Variants in ATAD3B observed in about 807,000 individuals in gnomAD.
The protein encoded by ATAD3B is ATPase family AAA domain-containing protein 3B.
Under a neutral mutation model 70.2 loss-of-function variants are expected in ATAD3B, and 59 were observed. The ratio of observed to expected loss-of-function variants is 0.84; its 90% CI spans 0.68 to 1.04. The LOEUF (loss-of-function observed/expected upper bound fraction) is 1.04, where lower values mean the gene tolerates loss of function less well. Ranked by LOEUF, ATAD3B falls within the 50% of genes least tolerant of loss-of-function variation. The probability of loss-of-function intolerance (pLI) is 0.00; values close to 1 mark genes in which losing one functional copy is unlikely to be tolerated. For missense variants in ATAD3B, 961 were observed against 913.4 expected, an observed-to-expected ratio of 1.05 and a Z score of -0.67; for synonymous variants, 423 against 388.6, an observed-to-expected ratio of 1.09 and a Z score of -1.04.
At chr1:1,508,014 C>A in the ATAD3B span, among the ~76,000 whole-genome samples, 1 of 152,224 alleles carries the variant, frequency 6.6e-6, no homozygotes, top group African/African-American at 2.4e-5. Flanking sequence ...TGCCAGGTCC[C>A]GTGCTTCCCA....
chr1:1,491,707 A>C (rs1640548735), intron 15 of ATAD3B, among the ~76,000 whole-genome samples: 2 of 151,960 alleles, frequency 1.3e-5, no homozygotes, highest in Admixed American at 6.6e-5. Context: ...CAGCTTAATG[A>C]AGTAGCCAAG....
rs1350636294 is a variant in ATAD3B at position 1,479,429 on chromosome 1, C to G, written c.444+321C>G. ...ACACCCCTGCACACACGGGCCCACA[C>G]ACTCCCCTGCACACATGGGGAAACA... is the stretch of plus-strand genomic sequence containing the variant. On this transcript the variant is annotated intron_variant, in intron 4 of 15. Coordinates refer to ENST00000673477, the MANE Select transcript of ATAD3B (RefSeq NM_031921.6). Among the ~76,000 whole-genome samples the G allele has an allele frequency of 2.8e-5, 4 of 144,076 alleles. 1 individual carries two copies. The highest frequency in any genetic ancestry group is 1.0e-4 in the African/African-American group (4 of 38,270). 94.5% of individuals were successfully genotyped at this position (144,076 alleles called of 152,430 possible).
chr1:1,478,722 G>A lies in ATAD3B; in HGVS notation c.361G>A (p.Glu121Lys), dbSNP rs773225375. The A allele has an allele frequency of 1.6e-5, 24 of 1,528,562 alleles. No homozygotes were observed. The highest frequency in any genetic ancestry group is 2.0e-5 in the Admixed American group (1 of 49,084). 94.7% of individuals were successfully genotyped at this position (1,528,562 alleles called of 1,614,324 possible). The change falls in exon 3 of 16, where the codon GAG (glutamate) becomes AAG (lysine). Residue 121 changes from glutamate to lysine, a missense_variant. Physicochemically the swap from Glu to Lys is moderately conservative, Grantham distance 56. This residue lies in a region of ATAD3B where 187 missense variants were observed against 244.3 expected (regional missense o/e 0.77). Transcript: ENST00000673477. ...TGAGGAGAGGAGGAAGACCCTGAGC[G>A]AGGAGACCCGGCAGCACCAGGCCGT... ...QAEERRKTLS[E>K]ETRQHQARAQ...
chr1:1,500,690 A>G (rs544461822), downstream of ATAD3B, among the ~76,000 whole-genome samples: 862 of 151,712 alleles, frequency 5.7e-3, 11 homozygotes, highest in African/African-American at 0.02. Context: ...GCAGTGGCTC[A>G]TGCCTGTAAT....
intron 9 of ATAD3B, 83 bp from the exon 10 acceptor site, chr1:1,486,027 C>G: frequency 6.2e-7 from 1 of 1,604,830 alleles, no homozygotes; most frequent in East Asian, 2.2e-5. Context: ...GCAGAGTCCG[C>G]ACCCGGGCAT....
chr1:1,489,235 T>TGAAC lies in ATAD3B; in HGVS notation c.1300_1303dup (p.Ala435GlufsTer24). 1 of 1,613,632 alleles carries TGAAC rather than the reference T, an allele frequency of 6.2e-7. No individual in the cohort carries two copies. Among genetic ancestry groups the TGAAC allele is most frequent in the African/African-American group, 1.3e-5 (1 of 75,054 alleles). On this transcript the variant is annotated frameshift_variant, in exon 13 of 16. Coordinates refer to ENST00000673477, the MANE Select transcript of ATAD3B (RefSeq NM_031921.6). LOFTEE classifies it high-confidence loss of function. ...ATAAGCAAGGACCTCAGAGCCACAC[T>TGAAC]GAACGCCTTCCTGTACCACATGGGC...
chr1:1,492,490 A>C lies in ATAD3B; in HGVS notation c.1614+1819A>C, dbSNP rs138671645. On this transcript the variant is annotated intron_variant, in intron 15 of 15. Transcript: ENST00000673477. ...GACAGAGTGAGACTGTCTCAAAAAT[A>C]ATAATAAGAAGAATAATAATTTGGG... is the stretch of plus-strand genomic sequence containing the variant. Among the ~76,000 whole-genome samples the C allele has an allele frequency of 2.1e-3, 324 of 151,466 alleles. 6 individuals carry two copies. Among genetic ancestry groups the C allele is most frequent in the Non-Finnish European group, 3.9e-3 (262 of 67,814 alleles).
chr1:1,486,027 C>T (rs1640192822), intron 9 of ATAD3B, 83 bp from the exon 10 acceptor site: 14 of 1,604,714 alleles, frequency 8.7e-6, no homozygotes, highest in Non-Finnish European at 1.2e-5. Flanking sequence ...GCAGAGTCCG[C>T]ACCCGGGCAT....
downstream of ATAD3B, among the ~76,000 whole-genome samples, chr1:1,502,455 G>A (rs1303101340): frequency 3.4e-5 from 5 of 148,526 alleles, no homozygotes; most frequent in South Asian, 2.1e-4. Flanking sequence ...TGATCCACCC[G>A]TCTCGGCCTC....
At chr1:1,503,795 G>A in the ATAD3B span, 11 of 1,353,986 alleles carry the variant, frequency 8.1e-6, no homozygotes, top group South Asian at 1.3e-5. Context: ...GCCGAGCTTG[G>A]GCGCCTCATT....
chr1:1,491,729 G>T (rs1485948725), intron 15 of ATAD3B, among the ~76,000 whole-genome samples: 3 of 151,994 alleles, frequency 2.0e-5, no homozygotes, highest in African/African-American at 7.2e-5. Flanking sequence ...ACCTTGATTT[G>T]AACGTAGGAG....
At position 1,496,329 on chromosome 1, in the gene ATAD3B, G is replaced by A. The variant is rs146920074; in HGVS notation, c.*512G>A. 8.4e-3 allele frequency: 7,091 copies of A among 846,544 alleles called. 94 individuals are homozygous for A. Among genetic ancestry groups the A allele is most frequent in the South Asian group, 0.033 (605 of 18,496 alleles). 52.4% of individuals were successfully genotyped at this position (846,544 alleles called of 1,614,324 possible). A position where few individuals can be genotyped will look rare whatever the true frequency, so the allele number is the denominator to read the frequency against. On this transcript the variant is annotated 3_prime_UTR_variant, in exon 16 of 16. Coordinates refer to ENST00000673477, the MANE Select transcript of ATAD3B (RefSeq NM_031921.6). The stretch of plus-strand genomic sequence containing the variant: ...CTGGAGAATTTACTGATCACAGAGC[G>A]GTGTGCTTCACATCAGCCTCGCGCC...
chr1:1,504,374 G>A, the ATAD3B span, among the ~76,000 whole-genome samples: 1 of 152,076 alleles, frequency 6.6e-6, no homozygotes, highest in Non-Finnish European at 1.5e-5. Flanking sequence ...GCAAGGCCAG[G>A]TGCGGTGGCT....
rs375416813 is a variant in ATAD3B, at chr1:1,482,509, G to A, written c.681-36G>A. The A allele has an allele frequency of 3.0e-5, 48 of 1,613,150 alleles. 1 individual carries two copies. Among genetic ancestry groups the A allele is most frequent in the South Asian group, 1.4e-4 (13 of 90,960 alleles). On this transcript the variant is annotated intron_variant, in intron 6 of 15. Transcript: ENST00000673477. ...CTCTCGCTGCGTGGTACGGATCTTC[G>A]TGTCCTTCCTGGTCACACCACTGCT...
Position 1,477,440 on chromosome 1 carries a change from A to G in ATAD3B, c.282+90A>G. The G allele has an allele frequency of 1.9e-6, 3 of 1,587,630 alleles. 1 individual carries two copies. Among genetic ancestry groups the G allele is most frequent in the Non-Finnish European group, 2.6e-6 (3 of 1,164,246 alleles). On this transcript the variant is annotated intron_variant, in intron 2 of 15. Coordinates refer to ENST00000673477, the MANE Select transcript of ATAD3B (RefSeq NM_031921.6). Reference sequence around the variant, plus strand: ...GGGGCTGCTACTGGTGGGTAGGGCCAGGGGCGTGTACATGGGCAGCAGTGG... The same window carrying G: ...GGGGCTGCTACTGGTGGGTAGGGCCGGGGGCGTGTACATGGGCAGCAGTGG...
At chr1:1,472,825 G>A (rs1639398698) in intron 1 of ATAD3B, among the ~76,000 whole-genome samples, 1 of 151,934 alleles carries the variant, frequency 6.6e-6, no homozygotes, top group Non-Finnish European at 1.5e-5. Context: ...TGTTTAAGCC[G>A]GGGTTCTTTC....
In ATAD3B at chr1:1,489,886, G is replaced by T. The variant is rs564118362; in HGVS notation, c.1338-371G>T. 4.5e-4 allele frequency: 553 copies of T among 1,218,684 alleles called. 9 individuals are homozygous for T. Among genetic ancestry groups the T allele is most frequent in the Admixed American group, 7.1e-4 (20 of 28,082 alleles). 75.5% of individuals were successfully genotyped at this position (1,218,684 alleles called of 1,614,324 possible). The stretch of plus-strand genomic sequence containing the variant: ...CCGGGCCCCCGAGGTCCTGCTTCTG[G>T]CTCGCATGGCCATAATCTTGACAGG... On this transcript the variant is annotated intron_variant, in intron 13 of 15. Transcript: ENST00000673477.
downstream of ATAD3B, among the ~76,000 whole-genome samples, chr1:1,499,223 G>T (rs541012017): frequency 1.0e-4 from 15 of 149,346 alleles, no homozygotes; most frequent in South Asian, 3.0e-3. Context: ...CGCCCGCCTC[G>T]ACCTCCCAAA....
the ATAD3B span, chr1:1,509,208 A>C: frequency 2.5e-6 from 4 of 1,612,718 alleles, no homozygotes. Flanking sequence ...CCACTAGGCC[A>C]CGGCGTATGC....
Sources: gnomAD v4.1 joint callset for allele counts (sites outside exome capture counted in the v4.1 genomes callset) on GRCh38, gnomAD v4.1.1 for gene constraint, gnomAD v4.1.1 regional missense constraint, MANE v1.5 for transcripts, NCBI Gene and HGNC (gene_info 2026-07-23, HGNC 2026-07-21) for gene names.